NUDCD3: variants seen among roughly 807,000 people sequenced by gnomAD.
The protein encoded by NUDCD3 is NudC domain containing 3, also known as nudC domain-containing protein 3.
Under a neutral mutation model 39.7 loss-of-function variants are expected in NUDCD3, and 13 were observed. That is an observed-to-expected ratio of 0.33 (90% CI 0.21 to 0.52). NUDCD3 has a LOEUF of 0.52. Among genes scored for constraint, NUDCD3 ranks in the 20% least tolerant of loss-of-function variants. The probability of loss-of-function intolerance (pLI) is 0.96; values close to 1 mark genes in which losing one functional copy is unlikely to be tolerated. For synonymous variants in NUDCD3, 175 were observed against 172.4 expected, an observed-to-expected ratio of 1.02 and a Z score of -0.12; for missense variants, 453 against 458.1, an observed-to-expected ratio of 0.99 and a Z score of 0.10.
intron 3 of NUDCD3, 137 bp downstream of exon 3, chr7:44,427,434 C>T (rs1346817910): frequency 1.1e-5 from 10 of 939,532 alleles, no homozygotes; most frequent in South Asian, 3.3e-5. Flanking sequence ...CAGCTCATTC[C>T]GAGGGCAGGA....
At chr7:44,451,008 A>T (rs1454208034) in intron 2 of NUDCD3, among the ~76,000 whole-genome samples, 1 of 152,270 alleles carries the variant, frequency 6.6e-6, no homozygotes, top group Non-Finnish European at 1.5e-5. Context: ...GACTAAAAAG[A>T]GTATATACTC....
At position 44,478,300 on chromosome 7, in the gene NUDCD3, C is replaced by T. The variant is rs138765192; in HGVS notation, c.509+6668G>A. ...GCGCGGTGGCTCACGCCTGTAATTC[C>T]AGCACTTTGGGAGACCGAGATGGGT... On this transcript the variant is annotated intron_variant, in intron 2 of 5. Coordinates refer to ENST00000355451, the MANE Select transcript of NUDCD3 (RefSeq NM_015332.4). Among the ~76,000 whole-genome samples, 909 of 152,242 alleles carry T rather than the reference C, an allele frequency of 6.0e-3. 9 individuals are homozygous for T. The highest frequency in any genetic ancestry group is 0.021 in the African/African-American group (857 of 41,548).
chr7:44,456,025 C>CAAAAAAAAAA (rs1233592095), intron 2 of NUDCD3, among the ~76,000 whole-genome samples: 28 of 28,488 alleles, frequency 9.8e-4, no homozygotes, highest in African/African-American at 2.7e-3. Flanking sequence ...GACTCCGTCT[C>CAAAAAAAAAA]AAAAAAAAAA....
At position 44,381,860 on chromosome 7, in the gene NUDCD3, A is replaced by C. The variant is rs1380009542; in HGVS notation, c.*4151T>G. On this transcript the variant is annotated 3_prime_UTR_variant, in exon 6 of 6. Coordinates refer to ENST00000355451, the MANE Select transcript of NUDCD3 (RefSeq NM_015332.4). ...ACGCCAGCTTGCCAGGGGTTTACCC[A>C]GAAAGCCCAGCGCATACCCCCAGAG... 2 of 152,378 alleles carry C rather than the reference A, an allele frequency of 1.3e-5. No homozygotes were observed. The highest frequency in any genetic ancestry group is 2.9e-5 in the Non-Finnish European group (2 of 68,172). 9.4% of individuals were successfully genotyped at this position (152,378 alleles called of 1,614,324 possible). A position where few individuals can be genotyped will look rare whatever the true frequency, so the allele number is the denominator to read the frequency against.
intron 2 of NUDCD3, among the ~76,000 whole-genome samples, chr7:44,477,859 C>T (rs1400138439): frequency 5.1e-5 from 7 of 137,598 alleles, no homozygotes; most frequent in African/African-American, 1.4e-4. Flanking sequence ...GATGGAGTCT[C>T]GCTCTGCTCT....
intron 3 of NUDCD3, among the ~76,000 whole-genome samples, chr7:44,405,880 T>A (rs1411896012): frequency 6.6e-6 from 1 of 152,154 alleles, no homozygotes; most frequent in African/African-American, 2.4e-5. Flanking sequence ...CACTGCTGCA[T>A]CAAACTCCTG....
At chr7:44,474,231 G>GA (rs1343620196) in intron 2 of NUDCD3, among the ~76,000 whole-genome samples, 1 of 149,492 alleles carries the variant, frequency 6.7e-6, no homozygotes, top group Non-Finnish European at 1.5e-5. Flanking sequence ...TATTATTATA[G>GA]AAAAATATTC....
At chr7:44,461,471 G>T (rs1800012682) in intron 2 of NUDCD3, among the ~76,000 whole-genome samples, 1 of 152,046 alleles carries the variant, frequency 6.6e-6, no homozygotes, top group Non-Finnish European at 1.5e-5. Flanking sequence ...ACAGGAAAAG[G>T]CTGTCTCCCT....
At chr7:44,442,981 G>C (rs1019953587) in intron 2 of NUDCD3, among the ~76,000 whole-genome samples, 2 of 151,896 alleles carry the variant, frequency 1.3e-5, no homozygotes, top group East Asian at 1.9e-4. Context: ...GGATTACAGG[G>C]GTGAGCCACC....
At chr7:44,427,020 C>T (rs919393815) in intron 3 of NUDCD3, among the ~76,000 whole-genome samples, 2 of 152,122 alleles carry the variant, frequency 1.3e-5, no homozygotes, top group Non-Finnish European at 2.9e-5. Flanking sequence ...GTGCTACCCA[C>T]TGTGTCATTT....
intron 2 of NUDCD3, among the ~76,000 whole-genome samples, chr7:44,453,416 A>G (rs983074092): frequency 6.6e-6 from 1 of 152,144 alleles, no homozygotes; most frequent in Non-Finnish European, 1.5e-5. Flanking sequence ...ATAGAATCCC[A>G]TAGTGGTTTC....
At chr7:44,397,642 G>C (rs371462981) in intron 4 of NUDCD3, among the ~76,000 whole-genome samples, 2 of 152,052 alleles carry the variant, frequency 1.3e-5, no homozygotes, top group Non-Finnish European at 2.9e-5. Flanking sequence ...TAAGCTTAAA[G>C]TTACTAGAAT....
At chr7:44,453,168 C>T (rs562956799) in intron 2 of NUDCD3, among the ~76,000 whole-genome samples, 3 of 152,248 alleles carry the variant, frequency 2.0e-5, no homozygotes, top group South Asian at 4.1e-4. Flanking sequence ...GCCTGGCCAA[C>T]ATGGTGAAAC....
rs1798362395 is a variant in NUDCD3, at chr7:44,384,322, C to G, written c.*1689G>C. 2 of 152,150 alleles carry G rather than the reference C, an allele frequency of 1.3e-5. No individual in the cohort carries two copies. The highest frequency in any genetic ancestry group is 2.9e-5 in the Non-Finnish European group (2 of 68,028). 9.4% of individuals were successfully genotyped at this position (152,150 alleles called of 1,614,324 possible). A position where few individuals can be genotyped will look rare whatever the true frequency, so the allele number is the denominator to read the frequency against. ...GGAAGAACTCCAGGAAAAAAAATGA[C>G]AAGTCTTTCTCAGGACCCCTCATAG... On this transcript the variant is annotated 3_prime_UTR_variant, in exon 6 of 6. Coordinates refer to ENST00000355451, the MANE Select transcript of NUDCD3 (RefSeq NM_015332.4).
intron 2 of NUDCD3, among the ~76,000 whole-genome samples, chr7:44,461,538 T>C (rs1200069386): frequency 2.0e-5 from 3 of 152,146 alleles, no homozygotes; most frequent in African/African-American, 7.2e-5. Flanking sequence ...AGGGATGCTA[T>C]GGGAAGGACA....
chr7:44,442,686 CCCTTTT>C (rs1799609954), intron 2 of NUDCD3, among the ~76,000 whole-genome samples: 1 of 150,314 alleles, frequency 6.7e-6, no homozygotes, highest in African/African-American at 2.4e-5. Flanking sequence ...GCGGACTCTC[CCCTTTT>C]CTTTTTTTTT....
chr7:44,453,718 T>C (rs991681963), intron 2 of NUDCD3, among the ~76,000 whole-genome samples: 6 of 152,136 alleles, frequency 3.9e-5, no homozygotes, highest in Non-Finnish European at 7.4e-5. Flanking sequence ...CAAGCCAAAA[T>C]GCTGGGATTT....
rs1284564258 is a variant in NUDCD3 at position 44,490,572 on chromosome 7, T to C, written c.29A>G (p.Asp10Gly). 1 of 1,610,926 alleles carries C rather than the reference T, an allele frequency of 6.2e-7. No homozygotes were observed. The highest frequency in any genetic ancestry group is 1.3e-5 in the African/African-American group (1 of 74,832). The change falls in exon 1 of 6, where the codon GAC becomes GGC. Residue 10 changes from aspartate to glycine, a missense_variant. Asp to Gly is a moderately conservative substitution (Grantham distance 94). Coordinates refer to ENST00000355451, the MANE Select transcript of NUDCD3 (RefSeq NM_015332.4). ...CTGCAGGATGCCCAAAAGGGCCTGG[T>C]CATACAGCTCGGCCGCCCCTGTCTC... METGAAELY[D>G]QALLGILQHV...
At chr7:44,467,064 G>GC (rs1800132390) in intron 2 of NUDCD3, among the ~76,000 whole-genome samples, 1 of 152,188 alleles carries the variant, frequency 6.6e-6, no homozygotes, top group African/African-American at 2.4e-5. Flanking sequence ...ACCCTCACCA[G>GC]CCCCCCGTGG....
Sources: allele counts gnomAD v4.1 joint callset (sites outside exome capture counted in the v4.1 genomes callset), GRCh38; gene constraint gnomAD v4.1.1; transcripts MANE v1.5; gene names NCBI Gene and HGNC (gene_info 2026-07-23, HGNC 2026-07-21).